The following AMOTL1 variants were observed in gnomAD, a reference collection of about 807,000 sequenced individuals.
The protein encoded by AMOTL1 is angiomotin like 1.
A neutral mutation model predicts 102.9 loss-of-function variants in AMOTL1; 45 were observed. The ratio of observed to expected loss-of-function variants is 0.44; its 90% CI spans 0.34 to 0.56. The LOEUF is 0.56. Among genes scored for constraint, AMOTL1 ranks in the 20% least tolerant of loss-of-function variants. AMOTL1 has a pLI of 0.01. For synonymous variants in AMOTL1, 481 were observed against 484.7 expected, an observed-to-expected ratio of 0.99 and a Z score of 0.10; for missense variants, 1,114 against 1,225.6, an observed-to-expected ratio of 0.91 and a Z score of 1.36.
chr11:94,870,898 T>C lies in AMOTL1; in HGVS notation c.*103T>C. ...GTTGTAGATGGGAAATCAGGAATGA[T>C]TTGAACTGATAAAGATTTCAGACTC... On this transcript the variant is annotated 3_prime_UTR_variant, in exon 13 of 13. Coordinates refer to ENST00000433060, the MANE Select transcript of AMOTL1 (RefSeq NM_130847.3). 1 of 895,186 alleles carries C rather than the reference T, an allele frequency of 1.1e-6. No individual in the cohort carries two copies. The highest frequency in any genetic ancestry group is 2.7e-5 in the East Asian group (1 of 37,360). The allele number at this position is 895,186 out of a possible 1,614,324, so 55.5% of individuals were successfully genotyped here.
At chr11:94,724,211 C>A (rs1345633356) in intron 1 of AMOTL1, among the ~76,000 whole-genome samples, 1 of 152,086 alleles carries the variant, frequency 6.6e-6, no homozygotes, top group Non-Finnish European at 1.5e-5. Flanking sequence ...ATGGACTATT[C>A]CTTCTGATTC....
At chr11:94,864,982 C>T (rs1303089600) in intron 10 of AMOTL1, 122 bp downstream of exon 10, 1 of 1,338,476 alleles carries the variant, frequency 7.5e-7, no homozygotes, top group East Asian at 2.6e-5. Flanking sequence ...AAAAACTCTC[C>T]TCCCCCATGC....
At chr11:94,771,264 G>GGT (rs1555067570) in intron 1 of AMOTL1, among the ~76,000 whole-genome samples, 29 of 144,924 alleles carry the variant, frequency 2.0e-4, no homozygotes, top group East Asian at 4.1e-4. Context: ...GGGGTTGGGG[G>GGT]GGGGGTGCGG....
chr11:94,838,439 G>A (rs1220027235), intron 6 of AMOTL1, among the ~76,000 whole-genome samples: 1 of 152,150 alleles, frequency 6.6e-6, no homozygotes, highest in African/African-American at 2.4e-5. Context: ...AAATATTTCA[G>A]GCTTTGAGAG....
Position 94,840,681 on chromosome 11 carries a change from T to TATATATATATATATACAC in AMOTL1, c.1648+9141_1648+9142insTATATATATATATACACA, listed in dbSNP as rs1166713705. ...ATATATATATATATATATATATATATACACACACACACACACACACACACA... is the reference window on the plus strand; with the variant it reads ...ATATATATATATATATATATATATATATATATATATATATACACACACACACACACACACACACACACA... On this transcript the variant is annotated intron_variant, in intron 6 of 12. Transcript: ENST00000433060. 6.7e-5 allele frequency among the ~76,000 whole-genome samples: 7 copies of TATATATATATATATACAC among 104,782 alleles called. No individual in the cohort carries two copies. In the South Asian group the frequency reaches 2.0e-3, roughly 30 times the overall value. 68.7% of individuals were successfully genotyped at this position (104,782 alleles called of 152,430 possible).
At chr11:94,711,395 C>G (rs897453188) in intron 1 of AMOTL1, among the ~76,000 whole-genome samples, 11 of 152,080 alleles carry the variant, frequency 7.2e-5, no homozygotes, top group African/African-American at 1.4e-4. Flanking sequence ...AGTACAATAT[C>G]AAAACCAGGT....
At position 94,799,262 on chromosome 11, in the gene AMOTL1, G is replaced by T; in HGVS notation, c.200-128G>T. On this transcript the variant is annotated intron_variant, in intron 2 of 12. Transcript: ENST00000433060. The surrounding 1 kb of genome is among the most constrained non-coding windows in gnomAD (Gnocchi z 4.5). ...GAGACATTGCCAGGTAAATGGAGGT[G>T]ATGATGCATTTGAAATCTTATTTTT... The T allele has an allele frequency of 1.2e-6, 1 of 803,746 alleles. No individual in the cohort carries two copies. Among genetic ancestry groups the T allele is most frequent in the Non-Finnish European group, 1.9e-6 (1 of 522,116 alleles). The allele number at this position is 803,746 out of a possible 1,614,324, so 49.8% of individuals were successfully genotyped here. A position where few individuals can be genotyped will look rare whatever the true frequency, so the allele number is the denominator to read the frequency against.
At position 94,870,559 on chromosome 11, in the gene AMOTL1, C is replaced by A. The variant is rs995451357; in HGVS notation, c.2765-130C>A. On this transcript the variant is annotated intron_variant, in intron 12 of 12. Transcript: ENST00000433060. The stretch of plus-strand genomic sequence containing the variant: ...TGCATGTTCCCACTGTGGGCTGGAT[C>A]ATCTCACATGCCCTGTGGTGAGAAT... The A allele has an allele frequency of 2.1e-5, 13 of 606,126 alleles. No homozygotes were observed. The Admixed American group carries it at 2.6e-4, about 12-fold the overall frequency. The allele number at this position is 606,126 out of a possible 1,614,324, so 37.5% of individuals were successfully genotyped here.
At position 94,866,017 on chromosome 11, in the gene AMOTL1, T is replaced by C. The variant is rs1952875185; in HGVS notation, c.2337T>C (p.Asp779=). 6.2e-7 allele frequency: 1 copy of C among 1,613,986 alleles called. No individual in the cohort carries two copies. The highest frequency in any genetic ancestry group is 8.5e-7 in the Non-Finnish European group (1 of 1,179,884). The change falls in exon 11 of 13, where the codon GAT becomes GAC. Residue 779 remains aspartate (D), a synonymous_variant. Transcript: ENST00000433060. ...TCCTGCAGCAGCGATCTCGTAAAGATGCCGGGAAGACAGACTCCTCCAGCC... is the reference window on the plus strand; with the variant it reads ...TCCTGCAGCAGCGATCTCGTAAAGACGCCGGGAAGACAGACTCCTCCAGCC... ...IKVLQQRSRK[D]AGKTDSSSLR...
At chr11:94,866,306 G>A (rs985196274) in intron 11 of AMOTL1, 138 bp downstream of exon 11, 12 of 814,730 alleles carry the variant, frequency 1.5e-5, no homozygotes, top group Admixed American at 2.6e-5. Context: ...AGGGAAATCA[G>A]TCATACTTCA....
chr11:94,754,082 T>G (rs562296677), intron 3 of AMOTL1, among the ~76,000 whole-genome samples: 2 of 152,178 alleles, frequency 1.3e-5, no homozygotes, highest in Non-Finnish European at 2.9e-5. Flanking sequence ...ATCTACTTCA[T>G]AGGGTTATTG....
chr11:94,746,017 T>C (rs1254606956), intron 3 of AMOTL1, among the ~76,000 whole-genome samples: 1 of 152,202 alleles, frequency 6.6e-6, no homozygotes, highest in African/African-American at 2.4e-5. Flanking sequence ...TGCCTCATGA[T>C]TGATAGTCCA....
At chr11:94,805,654 A>C (rs1951555442) in intron 3 of AMOTL1, among the ~76,000 whole-genome samples, 1 of 152,132 alleles carries the variant, frequency 6.6e-6, no homozygotes. Flanking sequence ...TTGTCTGTTC[A>C]GCATAGGGGA....
chr11:94,798,135 C>T (rs192691407), intron 2 of AMOTL1, among the ~76,000 whole-genome samples: 18 of 152,288 alleles, frequency 1.2e-4, no homozygotes, highest in Admixed American at 2.0e-4. Context: ...TGCCTCTTCC[C>T]GCCTGGGGGC....
At chr11:94,800,453 G>GC (rs1951456850) in intron 3 of AMOTL1, 142 bp downstream of exon 3, 2 of 942,990 alleles carry the variant, frequency 2.1e-6, no homozygotes, top group Non-Finnish European at 3.1e-6. Flanking sequence ...CCACTTTGTG[G>GC]CCAGAATATA....
intron 3 of AMOTL1, among the ~76,000 whole-genome samples, chr11:94,820,616 C>A (rs985124244): frequency 6.6e-6 from 1 of 152,222 alleles, no homozygotes; most frequent in Non-Finnish European, 1.5e-5. Flanking sequence ...AAACGCATCA[C>A]ATTTATTGTG....
chr11:94,820,709 C>T (rs1252521859), intron 3 of AMOTL1, among the ~76,000 whole-genome samples: 4 of 152,006 alleles, frequency 2.6e-5, no homozygotes, highest in Non-Finnish European at 4.4e-5. Flanking sequence ...AGTAGGAGCC[C>T]TGAGCTTGTT....
At chr11:94,796,160 T>G (rs1951361165) in intron 2 of AMOTL1, among the ~76,000 whole-genome samples, 1 of 152,234 alleles carries the variant, frequency 6.6e-6, no homozygotes, top group African/African-American at 2.4e-5. Flanking sequence ...CAATATTGAT[T>G]CTTTGACGGT....
chr11:94,712,037 G>A lies in AMOTL1; in HGVS notation c.-51+5440G>A, dbSNP rs1287205183. On this transcript the variant is annotated intron_variant, in intron 1 of 4. Coordinates refer to the AMOTL1 transcript ENST00000299004. ...CAAACTATTAATGTTTATATAGAAC[G>A]GCCATAATATTTTATGTTACCACCA... Among the ~76,000 whole-genome samples the A allele has an allele frequency of 3.9e-5, 6 of 151,956 alleles. No individual in the cohort carries two copies. The South Asian group carries it at 6.2e-4, about 16-fold the overall frequency.
Sources: allele counts gnomAD v4.1 joint callset (sites outside exome capture counted in the v4.1 genomes callset), GRCh38; gene constraint gnomAD v4.1.1; non-coding constraint Gnocchi (gnomAD v3.1); transcripts MANE v1.5; gene names NCBI Gene and HGNC (gene_info 2026-07-23, HGNC 2026-07-21).